GREB1L: variants seen among roughly 807,000 people sequenced by gnomAD.
GREB1L encodes GREB1 like retinoic acid receptor coactivator.
A neutral mutation model predicts 200.8 loss-of-function variants in GREB1L; 17 were observed. That is an observed-to-expected ratio of 0.08 (90% CI 0.06 to 0.13). The LOEUF is 0.13. Ranked by LOEUF, GREB1L falls within the 10% of genes least tolerant of loss-of-function variation. The probability of loss-of-function intolerance (pLI) is 1.00; values close to 1 mark genes in which losing one functional copy is unlikely to be tolerated. For synonymous variants in GREB1L, 789 were observed against 893.0 expected (o/e 0.88, Z 2.08); for missense variants, 1,657 against 2,367.7 (o/e 0.70, Z 6.23).
intron 7 of GREB1L, among the ~76,000 whole-genome samples, chr18:21,426,277 T>A (rs2032566897): frequency 6.6e-6 from 1 of 152,048 alleles, no homozygotes; most frequent in Non-Finnish European, 1.5e-5. Context: ...CAGGCTGGTC[T>A]CGAACTCCTG....
chr18:21,260,680 A>C (rs1189492083), intron 1 of GREB1L, among the ~76,000 whole-genome samples: 2 of 106,004 alleles, frequency 1.9e-5, no homozygotes, highest in African/African-American at 2.5e-4. Flanking sequence ...TCTAATTAAA[A>C]ATAGTTGTAT....
chr18:21,458,731 G>T (rs1218146821), intron 15 of GREB1L, among the ~76,000 whole-genome samples: 1 of 152,200 alleles, frequency 6.6e-6, no homozygotes, highest in Non-Finnish European at 1.5e-5. Context: ...AAAAGAAATG[G>T]AGCGGGTTTA....
At chr18:21,312,699 G>A (rs569832980) in intron 1 of GREB1L, among the ~76,000 whole-genome samples, 44 of 152,100 alleles carry the variant, frequency 2.9e-4, no homozygotes, top group Non-Finnish European at 4.9e-4. Flanking sequence ...GACTACAGGC[G>A]CATGCCACCA....
At chr18:21,373,483 A>G (rs1294000027) in intron 2 of GREB1L, among the ~76,000 whole-genome samples, 2 of 151,904 alleles carry the variant, frequency 1.3e-5, no homozygotes, top group Non-Finnish European at 2.9e-5. Context: ...ATAGGCACCT[A>G]CCACCGTGCC....
At chr18:21,271,628 T>A (rs2144286316) in intron 1 of GREB1L, among the ~76,000 whole-genome samples, 1 of 140,592 alleles carries the variant, frequency 7.1e-6, no homozygotes, top group African/African-American at 2.7e-5. Context: ...TTCTAGCCTG[T>A]GTGACAGCAA....
intron 16 of GREB1L, among the ~76,000 whole-genome samples, chr18:21,476,008 T>G (rs2035686241): frequency 7.5e-6 from 1 of 133,114 alleles, no homozygotes; most frequent in Non-Finnish European, 1.6e-5. Flanking sequence ...GAGTCAAATA[T>G]GGATCCATAT....
intron 1 of GREB1L, among the ~76,000 whole-genome samples, chr18:21,286,902 C>T (rs902913765): frequency 2.0e-5 from 3 of 152,216 alleles, no homozygotes; most frequent in African/African-American, 7.2e-5. Context: ...CCACCTCAGC[C>T]TCCCAAGGTG....
At chr18:21,363,271 A>ACCCCCCCCCCCCACCCC (rs1567951929) in intron 1 of GREB1L, among the ~76,000 whole-genome samples, 1 of 7,310 alleles carries the variant, frequency 1.4e-4, no homozygotes, top group African/African-American at 5.3e-4. Flanking sequence ...CCCTGCCCCC[A>ACCCCCCCCCCCCACCCC]CTCCGCCTCC....
At chr18:21,345,599 G>A (rs2039332933) in intron 1 of GREB1L, among the ~76,000 whole-genome samples, 1 of 152,040 alleles carries the variant, frequency 6.6e-6, no homozygotes, top group Admixed American at 6.6e-5. Context: ...CAGGCCAGGT[G>A]CGGTGGCTCA....
At position 21,473,012 on chromosome 18, in the gene GREB1L, A is replaced by C; in HGVS notation, c.2183-19A>C. ...TGTGTAAAAGTGTGTTAAAAGATGA[A>C]CTTTTTTCTTCTTGGCAGGTGTCCT... On this transcript the variant is annotated intron_variant, in intron 15 of 32. Transcript: ENST00000424526. The C allele has an allele frequency of 6.7e-7, 1 of 1,499,626 alleles. No individual in the cohort carries two copies. The highest frequency in any genetic ancestry group is 8.9e-7 in the Non-Finnish European group (1 of 1,119,114). The allele number at this position is 1,499,626 out of a possible 1,614,324, so 92.9% of individuals were successfully genotyped here.
chr18:21,289,797 T>C (rs2038418271), intron 1 of GREB1L, among the ~76,000 whole-genome samples: 1 of 152,174 alleles, frequency 6.6e-6, no homozygotes, highest in Non-Finnish European at 1.5e-5. Context: ...TATTTGTCCA[T>C]GGGTGATTTT....
intron 16 of GREB1L, among the ~76,000 whole-genome samples, 186 bp downstream of exon 16, chr18:21,473,397 C>G (rs2035558588): frequency 1.3e-5 from 2 of 151,826 alleles, no homozygotes; most frequent in Non-Finnish European, 2.9e-5. Flanking sequence ...TGGTGAAACC[C>G]CATCTCTGCT....
intron 10 of GREB1L, among the ~76,000 whole-genome samples, chr18:21,442,002 C>G (rs1457858770): frequency 6.6e-6 from 1 of 152,104 alleles, no homozygotes; most frequent in African/African-American, 2.4e-5. Context: ...ACATTCCAGT[C>G]AAAGGGAGCC....
intron 16 of GREB1L, among the ~76,000 whole-genome samples, chr18:21,476,693 C>T (rs1353369247): frequency 4.6e-5 from 7 of 151,810 alleles, no homozygotes; most frequent in Non-Finnish European, 1.0e-4. Context: ...CTTAGCCTCC[C>T]GAGTAGCTAG....
chr18:21,335,274 G>A (rs1303974819), intron 1 of GREB1L, among the ~76,000 whole-genome samples: 1 of 152,150 alleles, frequency 6.6e-6, no homozygotes, highest in African/African-American at 2.4e-5. Flanking sequence ...TTTGAGTATG[G>A]ATACATGATC....
chr18:21,390,515 AGTTTGTTT>A lies in GREB1L; in HGVS notation c.356-4857_356-4850del, dbSNP rs541338585. Among the ~76,000 whole-genome samples the A allele has an allele frequency of 3.9e-5, 6 of 152,146 alleles. No homozygotes were observed. In the South Asian group the frequency reaches 6.2e-4, roughly 16 times the overall value. On this transcript the variant is annotated intron_variant, in intron 4 of 32. Coordinates refer to ENST00000424526, the MANE Select transcript of GREB1L (RefSeq NM_001142966.3). ...TTTGTGCCTTAGTTTTTAACAAAAA[AGTTTGTTT>A]GTTTGTTTGTTTTTGTTTTTGTTTT... is the stretch of plus-strand genomic sequence containing the variant.
At chr18:21,282,759 G>A (rs2038291045) in intron 1 of GREB1L, among the ~76,000 whole-genome samples, 3 of 151,860 alleles carry the variant, frequency 2.0e-5, no homozygotes, top group Admixed American at 1.3e-4. Flanking sequence ...GCCACCACAC[G>A]CAGCTAATTT....
At chr18:21,357,613 G>A (rs1397625115) in intron 1 of GREB1L, among the ~76,000 whole-genome samples, 1 of 152,126 alleles carries the variant, frequency 6.6e-6, no homozygotes, top group Non-Finnish European at 1.5e-5. Flanking sequence ...ATAGCTTCAG[G>A]TCTTATATTT....
intron 1 of GREB1L, 56 bp from the exon 2 acceptor site, chr18:21,365,970 AT>A (rs889146195): frequency 2.6e-5 from 4 of 152,044 alleles, no homozygotes; most frequent in Non-Finnish European, 4.4e-5. Flanking sequence ...TAGAATATGT[AT>A]TTGGAAATTA....
Sources: allele counts gnomAD v4.1 joint callset (sites outside exome capture counted in the v4.1 genomes callset), GRCh38; gene constraint gnomAD v4.1.1; transcripts MANE v1.5; gene names NCBI Gene and HGNC (gene_info 2026-07-23, HGNC 2026-07-21).